C17orf67: variants seen among roughly 807,000 people sequenced by gnomAD.
The protein encoded by C17orf67 is uncharacterized protein C17orf67.
In C17orf67, 12 loss-of-function variants were observed where a neutral mutation model predicts 11.2. That is an observed-to-expected ratio of 1.07 (90% CI 0.68 to 1.73). The LOEUF (loss-of-function observed/expected upper bound fraction) is 1.73, where lower values mean the gene tolerates loss of function less well. Ranked by LOEUF, C17orf67 falls within the 40% of genes most tolerant of loss-of-function variation. The pLI, the probability that C17orf67 is intolerant of heterozygous loss-of-function variation, is 0.00. For missense variants in C17orf67, 115 were observed against 113.5 expected (o/e 1.01, Z -0.06); for synonymous variants, 59 against 46.9 (o/e 1.26, Z -1.05).
At chr17:56,800,005 AAAG>A (rs1467509677) in intron 6 of C17orf67, among the ~76,000 whole-genome samples, 1 of 149,026 alleles carries the variant, frequency 6.7e-6, no homozygotes, top group Non-Finnish European at 1.5e-5. Flanking sequence ...AGAAAGTTAT[AAAG>A]AAGAGGTTGA....
At chr17:56,824,568 C>T (rs1905980822) in intron 4 of C17orf67, among the ~76,000 whole-genome samples, 171 bp downstream of exon 4, 1 of 152,156 alleles carries the variant, frequency 6.6e-6, no homozygotes, top group Admixed American at 6.5e-5. Flanking sequence ...TTAAAAGCAG[C>T]CTCCTTCCTC....
intron 6 of C17orf67, among the ~76,000 whole-genome samples, chr17:56,795,675 T>G (rs1181050645): frequency 6.6e-6 from 1 of 152,162 alleles, no homozygotes; most frequent in Non-Finnish European, 1.5e-5. Context: ...CAAAAGAAAC[T>G]CTTATATCAG....
At chr17:56,805,871 ATTGTAGATAC>A (rs1330361131) in intron 6 of C17orf67, among the ~76,000 whole-genome samples, 1 of 151,936 alleles carries the variant, frequency 6.6e-6, no homozygotes, top group Non-Finnish European at 1.5e-5. Context: ...AGGATAGAAA[ATTGTAGATAC>A]TTTTTTTAAA....
At chr17:56,807,397 C>T (rs1354609933) in intron 6 of C17orf67, among the ~76,000 whole-genome samples, 1 of 152,170 alleles carries the variant, frequency 6.6e-6, no homozygotes, top group Non-Finnish European at 1.5e-5. Flanking sequence ...CAAGACAGCA[C>T]TTCTTGACTT....
chr17:56,825,705 G>T (rs956473562), intron 2 of C17orf67, among the ~76,000 whole-genome samples: 20 of 152,096 alleles, frequency 1.3e-4, no homozygotes, highest in African/African-American at 4.8e-4. Flanking sequence ...CCATTAAATA[G>T]GACTTTTTAA....
At chr17:56,827,890 G>A (rs754626821) in intron 2 of C17orf67, among the ~76,000 whole-genome samples, 10 of 152,150 alleles carry the variant, frequency 6.6e-5, no homozygotes, top group Non-Finnish European at 1.3e-4. Context: ...TTTTCGAACC[G>A]CCTCCATTAG....
At chr17:56,832,471 T>C (rs1295044076) in intron 2 of C17orf67, among the ~76,000 whole-genome samples, 1 of 152,178 alleles carries the variant, frequency 6.6e-6, no homozygotes, top group African/African-American at 2.4e-5. Context: ...CTCCTACACA[T>C]CAGGAGTATC....
chr17:56,796,198 C>A (rs929415479), intron 6 of C17orf67, among the ~76,000 whole-genome samples: 1 of 152,094 alleles, frequency 6.6e-6, no homozygotes, highest in Non-Finnish European at 1.5e-5. Flanking sequence ...TAGGTATATA[C>A]CCAAGAGAAA....
chr17:56,813,778 G>A (rs1348343513), intron 6 of C17orf67, among the ~76,000 whole-genome samples: 1 of 151,558 alleles, frequency 6.6e-6, no homozygotes, highest in Non-Finnish European at 1.5e-5. Context: ...TTCTTAAAAA[G>A]TACTTTGTTT....
rs914083843 is a variant in C17orf67, at chr17:56,796,087, T to C, written c.157-907A>G. Among the ~76,000 whole-genome samples, 10 of 152,310 alleles carry C rather than the reference T, an allele frequency of 6.6e-5. No homozygotes were observed. The East Asian group carries it at 1.9e-3, about 29-fold the overall frequency. On this transcript the variant is annotated intron_variant, in intron 6 of 7. Transcript: ENST00000397861. ...AAAAAGACTTTAAAATATAAAAATGTTACTAGAAATAGAGAAGCATTTTGT... is the reference window on the plus strand; with the variant it reads ...AAAAAGACTTTAAAATATAAAAATGCTACTAGAAATAGAGAAGCATTTTGT...
At chr17:56,795,578 T>G (rs1215818034) in intron 6 of C17orf67, among the ~76,000 whole-genome samples, 1 of 152,260 alleles carries the variant, frequency 6.6e-6, no homozygotes, top group African/African-American at 2.4e-5. Flanking sequence ...TTACAGTTTC[T>G]GACTCAGTGG....
intron 4 of C17orf67, among the ~76,000 whole-genome samples, chr17:56,819,132 C>G (rs1597997201): frequency 6.6e-6 from 1 of 152,126 alleles, no homozygotes; most frequent in East Asian, 1.9e-4. Context: ...GTTTTTTGTG[C>G]CTACTGCCCT....
chr17:56,833,380 G>C (rs1906302430), intron 1 of C17orf67, 38 bp from the exon 2 acceptor site: 1 of 153,082 alleles, frequency 6.5e-6, no homozygotes, highest in African/African-American at 2.4e-5. Flanking sequence ...CCCATCTCCG[G>C]TAGTCCCCGG....
At chr17:56,798,517 T>C (rs1905254123) in intron 6 of C17orf67, among the ~76,000 whole-genome samples, 1 of 152,070 alleles carries the variant, frequency 6.6e-6, no homozygotes, top group Non-Finnish European at 1.5e-5. Context: ...ATATTAGGGC[T>C]CACTCTTGGT....
chr17:56,798,864 A>G (rs1597987636), intron 6 of C17orf67, among the ~76,000 whole-genome samples: 1 of 152,124 alleles, frequency 6.6e-6, no homozygotes, highest in African/African-American at 2.4e-5. Context: ...AATAAAAATA[A>G]AAGCATGGCA....
intron 2 of C17orf67, among the ~76,000 whole-genome samples, chr17:56,831,345 G>A (rs1277092202): frequency 1.3e-5 from 2 of 152,250 alleles, no homozygotes; most frequent in South Asian, 4.2e-4. Flanking sequence ...TCTCCCTGAG[G>A]GGTGGTGTCC....
At chr17:56,798,287 G>A (rs1373746491) in intron 6 of C17orf67, among the ~76,000 whole-genome samples, 1 of 148,952 alleles carries the variant, frequency 6.7e-6, no homozygotes, top group Non-Finnish European at 1.5e-5. Context: ...TCTTCTTGTG[G>A]GGTTTTTTTT....
intron 4 of C17orf67, among the ~76,000 whole-genome samples, chr17:56,821,188 A>T (rs1374310220): frequency 6.6e-6 from 1 of 152,110 alleles, no homozygotes; most frequent in East Asian, 1.9e-4. Flanking sequence ...CTCCCAAAGG[A>T]ACATTTTTTT....
chr17:56,821,601 T>C (rs1905906083), intron 4 of C17orf67, among the ~76,000 whole-genome samples: 1 of 152,158 alleles, frequency 6.6e-6, no homozygotes. Flanking sequence ...ATCTATTCTC[T>C]ATGCAGCAGC....
Sources: gnomAD v4.1 joint callset for allele counts (sites outside exome capture counted in the v4.1 genomes callset) on GRCh38, gnomAD v4.1.1 for gene constraint, MANE v1.5 for transcripts, NCBI Gene and HGNC (gene_info 2026-07-23, HGNC 2026-07-21) for gene names.